The following ARMC8 variants were observed in gnomAD, a reference collection of about 807,000 sequenced individuals.
ARMC8 encodes armadillo repeat containing 8.
A neutral mutation model predicts 99.3 loss-of-function variants in ARMC8; 20 were observed. That is an observed-to-expected ratio of 0.20 (90% CI 0.14 to 0.29). The LOEUF (loss-of-function observed/expected upper bound fraction) is 0.29. Among genes scored for constraint, ARMC8 ranks in the 10% least tolerant of loss-of-function variants. The pLI, the probability that ARMC8 is intolerant of heterozygous loss-of-function variation, is 1.00. For missense variants in ARMC8, 569 were observed against 809.5 expected (o/e 0.70, Z 3.60); for synonymous variants, 263 against 278.3 (o/e 0.95, Z 0.55).
chr3:138,223,812 C>A, intron 5 of ARMC8, 79 bp downstream of exon 5: 1 of 1,200,028 alleles, frequency 8.3e-7, no homozygotes, highest in Non-Finnish European at 1.2e-6. Flanking sequence ...TCTTCAGACT[C>A]ATCATAACTG....
At chr3:138,253,572 A>G (rs2047241346) in intron 12 of ARMC8, among the ~76,000 whole-genome samples, 1 of 152,228 alleles carries the variant, frequency 6.6e-6, no homozygotes, top group South Asian at 2.1e-4. Context: ...AAAATACTAC[A>G]AACTGAGAGA....
intron 18 of ARMC8, among the ~76,000 whole-genome samples, chr3:138,280,386 T>G (rs1244715277): frequency 6.7e-6 from 1 of 149,362 alleles, no homozygotes; most frequent in Non-Finnish European, 1.5e-5. Flanking sequence ...GGTGTGATCT[T>G]GGCTCACTGC....
rs201583111 is a variant in ARMC8, at chr3:138,296,551, GAAAA to G, written c.*665_*668del. Reference sequence around the variant, plus strand: ...TAGATTTTCTTTATATAAAAAAAAAGAAAAAAAAAGAAAAAGTTGGCTATAGTTG... The same window carrying G: ...TAGATTTTCTTTATATAAAAAAAAAGAAAAAGAAAAAGTTGGCTATAGTTG... On this transcript the variant is annotated 3_prime_UTR_variant, in exon 22 of 22. Transcript: ENST00000469044. 18 of 149,706 alleles carry G rather than the reference GAAAA, an allele frequency of 1.2e-4. No homozygotes were observed. Among genetic ancestry groups the G allele is most frequent in the African/African-American group, 4.4e-4 (18 of 40,696 alleles). The allele number at this position is 149,706 out of a possible 1,614,324, so 9.3% of individuals were successfully genotyped here. A position where few individuals can be genotyped will look rare whatever the true frequency, so the allele number is the denominator to read the frequency against.
chr3:138,229,167 T>TATATATATATATACAC (rs1480682019), intron 6 of ARMC8, 157 bp downstream of exon 6: 1 of 56,572 alleles, frequency 1.8e-5, no homozygotes, highest in African/African-American at 6.3e-5. Context: ...TATATATATA[T>TATATATATATATACAC]ATATATATAT....
At chr3:138,246,164 A>G (rs2108196329) in intron 12 of ARMC8, 1 of 984,924 alleles carries the variant, frequency 1.0e-6, no homozygotes, top group East Asian at 1.1e-4. Flanking sequence ...TAACTTGAAA[A>G]GGAACCATTT....
chr3:138,295,409 T>A (rs926117232), intron 21 of ARMC8, among the ~76,000 whole-genome samples: 3 of 152,212 alleles, frequency 2.0e-5, no homozygotes, highest in Non-Finnish European at 4.4e-5. Flanking sequence ...TCTAATCACC[T>A]CAACACCATT....
At chr3:138,215,489 T>TA (rs2044970351) in intron 2 of ARMC8, among the ~76,000 whole-genome samples, 1 of 152,236 alleles carries the variant, frequency 6.6e-6, no homozygotes, top group South Asian at 2.1e-4. Flanking sequence ...GTGCTGGGAT[T>TA]ACAAGCATGA....
At position 138,297,826 on chromosome 3, in the gene ARMC8, T is replaced by A. The variant is rs1283818101; in HGVS notation, c.*1934T>A. On this transcript the variant is annotated 3_prime_UTR_variant, in exon 22 of 22. Coordinates refer to ENST00000469044, the MANE Select transcript of ARMC8 (RefSeq NM_001363941.2). ...TGTGAAAATATCCTTGGTTGGCATT[T>A]TTAACACAAAACACTATAGTGTTGG... The A allele has an allele frequency of 6.6e-6, 1 of 152,240 alleles. No individual in the cohort carries two copies. Among genetic ancestry groups the A allele is most frequent in the East Asian group, 1.9e-4 (1 of 5,200 alleles). The allele number at this position is 152,240 out of a possible 1,614,324, so 9.4% of individuals were successfully genotyped here. A position where few individuals can be genotyped will look rare whatever the true frequency, so the allele number is the denominator to read the frequency against.
intron 1 of ARMC8, among the ~76,000 whole-genome samples, chr3:138,208,124 A>G (rs1309452543): frequency 6.7e-6 from 1 of 149,396 alleles, no homozygotes; most frequent in Admixed American, 6.7e-5. Flanking sequence ...GTTTTAAAGG[A>G]GGTATTTGAG....
chr3:138,272,997 A>G lies in ARMC8; in HGVS notation c.1510A>G (p.Lys504Glu). 6.2e-7 allele frequency: 1 copy of G among 1,605,578 alleles called. No individual in the cohort carries two copies. Among genetic ancestry groups the G allele is most frequent in the Non-Finnish European group, 8.5e-7 (1 of 1,176,340 alleles). Residue 504 changes from lysine to glutamate, a missense_variant, in exon 17 of 22, where the codon AAA becomes GAA. By Grantham distance (56) the Lys-to-Glu change is moderately conservative (BLOSUM62 1). Around this residue, in one of 2 missense-constraint regions of ARMC8, gnomAD observed 227 missense variants for 417.9 expected, o/e 0.54. Coordinates refer to ENST00000469044, the MANE Select transcript of ARMC8 (RefSeq NM_001363941.2). ...NMAFQAEQKI[K>E]ADILRSLSTE... is the part of the protein sequence containing the mutation. ...GGCATTTCAGGCTGAACAAAAAATAAAAGCAGATATTTTACGAAGCTTGAG... is the reference window on the plus strand; with the variant it reads ...GGCATTTCAGGCTGAACAAAAAATAGAAGCAGATATTTTACGAAGCTTGAG...
rs1203607858 is a variant in ARMC8, at chr3:138,245,078, T to C, written c.1039-10T>C. On this transcript the variant is annotated splice_polypyrimidine_tract_variant and intron_variant, in intron 11 of 21. Transcript: ENST00000469044. ...GACTGAGTTGGAACATATCCTTTTT[T>C]TCCCCATAGCTTGATCATGATTTAA... is the stretch of plus-strand genomic sequence containing the variant. The C allele has an allele frequency of 1.9e-6, 3 of 1,613,370 alleles. No individual in the cohort carries two copies. Among genetic ancestry groups the C allele is most frequent in the East Asian group, 2.2e-5 (1 of 44,876 alleles).
intron 14 of ARMC8, among the ~76,000 whole-genome samples, chr3:138,264,696 G>T (rs897251571): frequency 1.3e-5 from 2 of 151,712 alleles, no homozygotes; most frequent in Non-Finnish European, 2.9e-5. Flanking sequence ...GGGATTACAG[G>T]CATGAGCCAC....
At chr3:138,222,323 T>G (rs767441765) in intron 3 of ARMC8, among the ~76,000 whole-genome samples, 1 of 152,198 alleles carries the variant, frequency 6.6e-6, no homozygotes, top group Non-Finnish European at 1.5e-5. Context: ...CTTGGCAGTT[T>G]TTTGTGTGAG....
chr3:138,234,986 T>C, intron 6 of ARMC8, 48 bp from the exon 7 acceptor site: 1 of 1,442,352 alleles, frequency 6.9e-7, no homozygotes, highest in Non-Finnish European at 9.7e-7. Context: ...TTTATTGGAA[T>C]GAGTCATTAC....
chr3:138,291,556 A>G, intron 21 of ARMC8, among the ~76,000 whole-genome samples: 1 of 152,238 alleles, frequency 6.6e-6, no homozygotes, highest in Non-Finnish European at 1.5e-5. Flanking sequence ...ACATTCTAGT[A>G]TAGAAGATAG....
chr3:138,199,204 CA>C (rs1231906145), intron 1 of ARMC8, among the ~76,000 whole-genome samples: 1 of 151,808 alleles, frequency 6.6e-6, no homozygotes, highest in Non-Finnish European at 1.5e-5. Flanking sequence ...AAATTGGTTG[CA>C]AAAATAGTAC....
intron 1 of ARMC8, 127 bp downstream of exon 1, chr3:138,187,726 C>A (rs946870277): frequency 9.5e-7 from 1 of 1,057,310 alleles, no homozygotes; most frequent in Non-Finnish European, 1.4e-6. Context: ...CAGTCTCGGG[C>A]CAGGGAGTGA....
intron 18 of ARMC8, among the ~76,000 whole-genome samples, chr3:138,275,403 C>CA (rs1332641286): frequency 6.6e-6 from 1 of 152,038 alleles, no homozygotes; most frequent in Admixed American, 6.6e-5. Context: ...TAAAAAAATA[C>CA]AAAAAATTAG....
intron 12 of ARMC8, among the ~76,000 whole-genome samples, chr3:138,256,402 C>CTTTTTTTTTTTTTTTTTTTTTTTTTT (rs71146121): frequency 1.1e-5 from 1 of 90,302 alleles, no homozygotes; most frequent in African/African-American, 4.5e-5. Context: ...TTTCCTCCTT[C>CTTTTTTTTTTTTTTTTTTTTTTTTTT]TTTTTTTTTT....
Sources: allele counts gnomAD v4.1 joint callset (sites outside exome capture counted in the v4.1 genomes callset), GRCh38; gene constraint gnomAD v4.1.1; regional missense constraint gnomAD v4.1.1; transcripts MANE v1.5; gene names NCBI Gene and HGNC (gene_info 2026-07-23, HGNC 2026-07-21).